ZNF585B: variants seen among roughly 807,000 people sequenced by gnomAD.
ZNF585B encodes the protein zinc finger protein 41-like protein.
Under a neutral mutation model 14.0 loss-of-function variants are expected in ZNF585B, and 7 were observed. The observed-to-expected ratio is 0.50, with a 90% CI of 0.28 to 0.94. ZNF585B has a LOEUF of 0.94. Among genes scored for constraint, ZNF585B ranks in the 40% least tolerant of loss-of-function variants. The probability of loss-of-function intolerance (pLI) is 0.09; values close to 1 mark genes in which losing one functional copy is unlikely to be tolerated. For missense variants in ZNF585B, 750 were observed against 924.4 expected, an observed-to-expected ratio of 0.81 and a Z score of 2.45; for synonymous variants, 290 against 317.3, an observed-to-expected ratio of 0.91 and a Z score of 0.91.
rs113006377 is a variant in ZNF585B, at chr19:37,193,071, G to A, written c.73-2921C>T. On this transcript the variant is annotated intron_variant, in intron 2 of 4. Transcript: ENST00000532828. ...AATCGCTTGAAGCCAGGAGGCAGAG[G>A]TTGCAGTGAGCCGAGATTGCGCCAC... 8.2e-3 allele frequency among the ~76,000 whole-genome samples: 1,239 copies of A among 151,930 alleles called. 9 individuals are homozygous for A. Among genetic ancestry groups the A allele is most frequent in the Non-Finnish European group, 0.013 (917 of 67,954 alleles).
chr19:37,210,247 A>G (rs1228276124), intron 1 of ZNF585B, among the ~76,000 whole-genome samples, 194 bp downstream of exon 1: 1 of 152,004 alleles, frequency 6.6e-6, no homozygotes, highest in Non-Finnish European at 1.5e-5. Context: ...CACTGACCAC[A>G]GACTCCCGTC....
intron 4 of ZNF585B, among the ~76,000 whole-genome samples, chr19:37,188,347 G>A (rs933148473): frequency 1.3e-4 from 20 of 152,270 alleles, no homozygotes; most frequent in Non-Finnish European, 2.2e-4. Flanking sequence ...TTAGCTGGGC[G>A]TGGTGGCTCA....
intron 2 of ZNF585B, among the ~76,000 whole-genome samples, chr19:37,205,950 C>T (rs1257634850): frequency 6.6e-6 from 1 of 151,802 alleles, no homozygotes; most frequent in Non-Finnish European, 1.5e-5. Flanking sequence ...CGTGGTGGCT[C>T]GCACCTGTAA....
At chr19:37,209,516 C>T (rs987695855) in intron 1 of ZNF585B, among the ~76,000 whole-genome samples, 3 of 152,068 alleles carry the variant, frequency 2.0e-5, no homozygotes, top group African/African-American at 7.2e-5. Flanking sequence ...GAGTAGTTTA[C>T]CTTCCTCAAC....
In ZNF585B at chr19:37,186,491, C is replaced by CT. The variant is rs144434984; in HGVS notation, c.1045dup (p.Ser349LysfsTer2). On this transcript the variant is annotated frameshift_variant, in exon 5 of 5. Transcript: ENST00000532828. LOFTEE classifies it low-confidence loss of function (END_TRUNC). The stretch of plus-strand genomic sequence containing the variant: ...AGTACATATGGAAGATTTCTCTCTA[C>CT]TTTGAATCTTCTCATGTGTAATGAG... The CT allele has an allele frequency of 6.2e-7, 1 of 1,614,054 alleles. No homozygotes were observed. The highest frequency in any genetic ancestry group is 1.3e-5 in the African/African-American group (1 of 74,906).
chr19:37,185,575 T>A lies in ZNF585B; in HGVS notation c.1962A>T (p.Lys654Asn). Residue 654 changes from lysine (K) to asparagine (N), a missense_variant, in exon 5 of 5, where the codon AAA becomes AAT. Physicochemically the swap from Lys to Asn is moderately conservative, Grantham distance 94. This residue lies in a region of ZNF585B where 233 missense variants were observed against 354.1 expected (regional missense o/e 0.66). Transcript: ENST00000532828. ...TGTAGGGCTTTTCTCCGGTATGAGTTTTCTGGTGCTTACTGAGATTTGACC... is the reference window on the plus strand; with the variant it reads ...TGTAGGGCTTTTCTCCGGTATGAGTATTCTGGTGCTTACTGAGATTTGACC... Reference protein sequence around the residue: ...SGRSNLSKHQKTHTGEKPYIC... With the variant: ...SGRSNLSKHQNTHTGEKPYIC... The A allele has an allele frequency of 6.2e-7, 1 of 1,613,718 alleles. No homozygotes were observed.
At position 37,181,849 on chromosome 19, in the gene ZNF585B, AGAG is replaced by A. The variant is rs1972269701; in HGVS notation, c.*3375_*3377del. On this transcript the variant is annotated 3_prime_UTR_variant, in exon 5 of 5. Transcript: ENST00000532828. ...GACAAAAGAAAATAGCCAGGAGTTT[AGAG>A]GAGTAGGCGAAACACAGAGGATTAT... 1 of 152,236 alleles carries A rather than the reference AGAG, an allele frequency of 6.6e-6. No individual in the cohort carries two copies. Among genetic ancestry groups the A allele is most frequent in the African/African-American group, 2.4e-5 (1 of 41,452 alleles). 9.4% of individuals were successfully genotyped at this position (152,236 alleles called of 1,614,324 possible). A position where few individuals can be genotyped will look rare whatever the true frequency, so the allele number is the denominator to read the frequency against.
At position 37,186,945 on chromosome 19, in the gene ZNF585B, C is replaced by T. The variant is rs1972343438; in HGVS notation, c.592G>A (p.Val198Ile). 8.1e-6 allele frequency: 13 copies of T among 1,613,748 alleles called. No individual in the cohort carries two copies. Among genetic ancestry groups the T allele is most frequent in the African/African-American group, 6.7e-5 (5 of 74,882 alleles). The change falls in exon 5 of 5, where the codon GTA becomes ATA. Residue 198 changes from valine (V) to isoleucine (I), a missense_variant. Val to Ile is a conservative substitution (Grantham distance 29). Transcript: ENST00000532828. Reference protein sequence around the residue: ...CNECGKSFFQVSSLFRHHRIH... With the variant: ...CNECGKSFFQISSLFRHHRIH... ...CTGTGATGCCTGAAAAGAGACGATACTTGAAAAAAGGATTTTCCACATTCA... is the reference window on the plus strand; with the variant it reads ...CTGTGATGCCTGAAAAGAGACGATATTTGAAAAAAGGATTTTCCACATTCA...
rs1409873244 is a variant in ZNF585B at position 37,183,895 on chromosome 19, G to A, written c.*1332C>T. On this transcript the variant is annotated 3_prime_UTR_variant, in exon 5 of 5. Coordinates refer to ENST00000532828, the MANE Select transcript of ZNF585B (RefSeq NM_152279.4). Reference sequence around the variant, plus strand: ...AACTTATGAAAGTCAGATCATTAAGGAAAGTAAAATGCTGGGCTTCAACTC... The same window carrying A: ...AACTTATGAAAGTCAGATCATTAAGAAAAGTAAAATGCTGGGCTTCAACTC... 6.6e-6 allele frequency: 1 copy of A among 151,596 alleles called. No homozygotes were observed. Among genetic ancestry groups the A allele is most frequent in the Non-Finnish European group, 1.5e-5 (1 of 67,910 alleles). The allele number at this position is 151,596 out of a possible 1,614,324, so 9.4% of individuals were successfully genotyped here. A position where few individuals can be genotyped will look rare whatever the true frequency, so the allele number is the denominator to read the frequency against.
In ZNF585B at chr19:37,187,096, T is replaced by C. The variant is rs773461251; in HGVS notation, c.441A>G (p.Val147=). The stretch of plus-strand genomic sequence containing the variant: ...TTTCTCCTGTAGGAACTTTCAGATG[T>C]ACCTTGAACTGTGACTTCCAGGTGA... ...KSFTWKSQFK[V]HLKVPTGEKL... The change falls in exon 5 of 5, where the codon GTA becomes GTG. Residue 147 remains valine (V), a synonymous_variant. Transcript: ENST00000532828. 6 of 1,614,074 alleles carry C rather than the reference T, an allele frequency of 3.7e-6. No homozygotes were observed. The highest frequency in any genetic ancestry group is 4.2e-6 in the Non-Finnish European group (5 of 1,180,006).
chr19:37,204,007 T>G (rs2145445197), intron 2 of ZNF585B, among the ~76,000 whole-genome samples: 1 of 152,364 alleles, frequency 6.6e-6, no homozygotes, highest in South Asian at 2.1e-4. Context: ...TTTATATTTT[T>G]TATCTGCTTT....
chr19:37,188,696 A>G (rs1740287951), intron 4 of ZNF585B, among the ~76,000 whole-genome samples: 1 of 143,254 alleles, frequency 7.0e-6, no homozygotes, highest in South Asian at 2.2e-4. Context: ...AACAAAGCCA[A>G]CCAGGAAGAG....
At position 37,186,366 on chromosome 19, in the gene ZNF585B, A is replaced by G. The variant is rs771877294; in HGVS notation, c.1171T>C (p.Phe391Leu). ...ACTGTGAGTGCTGACTTCTGAGTGA[A>G]GGCTCTCCCACAGTCACTGCATTCA... is the stretch of plus-strand genomic sequence containing the variant. The part of the protein sequence containing the change: ...PYECSDCGRA[F>L]TQKSALTVHQ... The change falls in exon 5 of 5, where the codon TTC (phenylalanine) becomes CTC (leucine). Residue 391 changes from phenylalanine to leucine, a missense_variant. Phe to Leu is a conservative substitution (Grantham distance 22, BLOSUM62 0). This residue lies in a region of ZNF585B where 517 missense variants were observed against 570.3 expected (regional missense o/e 0.91). Coordinates refer to ENST00000532828, the MANE Select transcript of ZNF585B (RefSeq NM_152279.4). 3 of 1,614,138 alleles carry G rather than the reference A, an allele frequency of 1.9e-6. No homozygotes were observed. In the South Asian group the frequency reaches 3.3e-5, roughly 18 times the overall value.
chr19:37,187,028 T>A lies in ZNF585B; in HGVS notation c.509A>T (p.Lys170Met). The A allele has an allele frequency of 6.2e-7, 1 of 1,612,986 alleles. No homozygotes were observed. The highest frequency in any genetic ancestry group is 8.5e-7 in the Non-Finnish European group (1 of 1,179,692). The change falls in exon 5 of 5, where the codon AAG (lysine) becomes ATG (methionine). Residue 170 changes from lysine (K) to methionine (M), a missense_variant. Transcript: ENST00000532828. ...CIECGRAFVQ[K>M]PEFITHQKTH... ...TTTCTGATGTGTGATGAATTCTGGC[T>A]TCTGTACAAAAGCCCTCCCACATTC...
chr19:37,191,479 C>CT (rs1972399434), intron 2 of ZNF585B, among the ~76,000 whole-genome samples: 1 of 151,916 alleles, frequency 6.6e-6, no homozygotes, highest in African/African-American at 2.4e-5. Flanking sequence ...ATTAGCCAGG[C>CT]TGGTGGCACG....
rs1972313774 is a variant in ZNF585B, at chr19:37,184,813, A to G, written c.*414T>C. 1 of 407,532 alleles carries G rather than the reference A, an allele frequency of 2.5e-6. No homozygotes were observed. The highest frequency in any genetic ancestry group is 3.9e-5 in the Admixed American group (1 of 25,374). 25.2% of individuals were successfully genotyped at this position (407,532 alleles called of 1,614,324 possible). A position where few individuals can be genotyped will look rare whatever the true frequency, so the allele number is the denominator to read the frequency against. Reference sequence around the variant, plus strand: ...GTGTGTTCTGGAACAAACAACTCACAGAAGGATTCATCACTATCATATATA... The same window carrying G: ...GTGTGTTCTGGAACAAACAACTCACGGAAGGATTCATCACTATCATATATA... On this transcript the variant is annotated 3_prime_UTR_variant, in exon 5 of 5. Transcript: ENST00000532828.
In ZNF585B at chr19:37,181,998, A is replaced by T. The variant is rs1972271345; in HGVS notation, c.*3229T>A. ...CTAATTAAACCATGGACTTTGGCCG[A>T]TAGTGTCAATGTAGTTTCATCAATT... On this transcript the variant is annotated 3_prime_UTR_variant, in exon 5 of 5. Coordinates refer to ENST00000532828, the MANE Select transcript of ZNF585B (RefSeq NM_152279.4). 1.3e-5 allele frequency: 2 copies of T among 152,160 alleles called. No individual in the cohort carries two copies. The highest frequency in any genetic ancestry group is 1.3e-4 in the Admixed American group (2 of 15,270). The allele number at this position is 152,160 out of a possible 1,614,324, so 9.4% of individuals were successfully genotyped here. A position where few individuals can be genotyped will look rare whatever the true frequency, so the allele number is the denominator to read the frequency against.
intron 2 of ZNF585B, among the ~76,000 whole-genome samples, chr19:37,199,806 G>A (rs1402385318): frequency 1.3e-5 from 2 of 152,096 alleles, no homozygotes; most frequent in Non-Finnish European, 2.9e-5. Flanking sequence ...AGCACTTTGG[G>A]AGGCCGAGGT....
intron 2 of ZNF585B, among the ~76,000 whole-genome samples, chr19:37,194,675 T>G (rs1325956983): frequency 6.6e-6 from 1 of 152,100 alleles, no homozygotes; most frequent in Non-Finnish European, 1.5e-5. Context: ...ACCTCAGCAA[T>G]TTATCAAAAT....
Sources: allele counts gnomAD v4.1 joint callset (sites outside exome capture counted in the v4.1 genomes callset), GRCh38; gene constraint gnomAD v4.1.1; regional missense constraint gnomAD v4.1.1; transcripts MANE v1.5; gene names NCBI Gene and HGNC (gene_info 2026-07-23, HGNC 2026-07-21).